Variants in SND1 observed in about 807,000 individuals in gnomAD.
The protein encoded by SND1 is staphylococcal nuclease and tudor domain containing 1.
SND1 carries 38 observed loss-of-function variants against 121.7 expected under a neutral mutation model. That is an observed-to-expected ratio of 0.31 (90% CI 0.24 to 0.41). The LOEUF (loss-of-function observed/expected upper bound fraction) is 0.41. Among genes scored for constraint, SND1 ranks in the 10% least tolerant of loss-of-function variants. SND1 has a pLI of 1.00. For synonymous variants in SND1, 401 were observed against 447.4 expected, an observed-to-expected ratio of 0.90 and a Z score of 1.31; for missense variants, 868 against 1,184.6, an observed-to-expected ratio of 0.73 and a Z score of 3.92.
At chr7:127,754,012 A>C (rs1303548536) in intron 10 of SND1, among the ~76,000 whole-genome samples, 1 of 152,184 alleles carries the variant, frequency 6.6e-6, no homozygotes, top group African/African-American at 2.4e-5. Flanking sequence ...TTTTATTCAC[A>C]TTTAGCCCAA....
chr7:127,987,043 C>G (rs984354963), intron 15 of SND1, among the ~76,000 whole-genome samples: 1 of 152,348 alleles, frequency 6.6e-6, no homozygotes, highest in African/African-American at 2.4e-5. Context: ...TATCAGCAGG[C>G]AGCACTGCAC....
chr7:127,945,447 C>T (rs1425943257), intron 15 of SND1, among the ~76,000 whole-genome samples: 1 of 151,860 alleles, frequency 6.6e-6, no homozygotes, highest in African/African-American at 2.4e-5. Flanking sequence ...GCCGAGATCG[C>T]ACCACTGCAC....
chr7:128,080,191 G>A (rs1015912890), intron 17 of SND1, among the ~76,000 whole-genome samples: 2 of 152,192 alleles, frequency 1.3e-5, no homozygotes, highest in Non-Finnish European at 2.9e-5. Flanking sequence ...GGGACCCCAC[G>A]CGTGATCCAT....
chr7:127,852,201 TAAA>T (rs1399508781), intron 12 of SND1, among the ~76,000 whole-genome samples: 1 of 148,354 alleles, frequency 6.7e-6, no homozygotes, highest in African/African-American at 2.5e-5. Flanking sequence ...ATAAAATAAA[TAAA>T]AAAAATAATC....
intron 15 of SND1, among the ~76,000 whole-genome samples, chr7:127,967,453 A>G (rs1264039260): frequency 6.6e-6 from 1 of 152,186 alleles, no homozygotes; most frequent in African/African-American, 2.4e-5. Flanking sequence ...TCCATGCTGT[A>G]TCTTTCAGGG....
chr7:128,036,649 C>T (rs1792756202), intron 16 of SND1, among the ~76,000 whole-genome samples: 1 of 152,234 alleles, frequency 6.6e-6, no homozygotes, highest in Admixed American at 6.5e-5. Flanking sequence ...CTTTCCCTCT[C>T]CTCTAAGACT....
chr7:128,025,388 G>A (rs1306720051), intron 16 of SND1, among the ~76,000 whole-genome samples: 2 of 144,710 alleles, frequency 1.4e-5, no homozygotes, highest in Non-Finnish European at 3.0e-5. Context: ...ATTTCTCTGG[G>A]GCTCAGTTTC....
chr7:127,979,408 G>A (rs756304633), intron 15 of SND1, among the ~76,000 whole-genome samples: 31 of 152,298 alleles, frequency 2.0e-4, no homozygotes, highest in East Asian at 7.7e-4. Flanking sequence ...TTTCCCTATC[G>A]GCTAGGGTTG....
chr7:127,873,840 G>A (rs185379649), intron 12 of SND1, among the ~76,000 whole-genome samples: 11 of 152,128 alleles, frequency 7.2e-5, no homozygotes, highest in African/African-American at 2.2e-4. Flanking sequence ...TCTTGAAATC[G>A]AACCTCATAA....
At chr7:128,060,550 C>G (rs1049196679) in intron 16 of SND1, among the ~76,000 whole-genome samples, 11 of 152,246 alleles carry the variant, frequency 7.2e-5, no homozygotes, top group African/African-American at 2.7e-4. Context: ...TTCCTCCTCC[C>G]TGCTCCTTAA....
At chr7:127,657,075 G>T (rs1056973840) in intron 1 of SND1, among the ~76,000 whole-genome samples, 5 of 152,178 alleles carry the variant, frequency 3.3e-5, no homozygotes, top group African/African-American at 1.2e-4. Flanking sequence ...AGTTATGTTA[G>T]CAGTGTAATA....
chr7:127,818,174 A>G (rs930994111), intron 11 of SND1, among the ~76,000 whole-genome samples: 3 of 152,202 alleles, frequency 2.0e-5, no homozygotes, highest in Non-Finnish European at 4.4e-5. Flanking sequence ...TGGTTGAAAT[A>G]CAAACCAAGA....
At chr7:128,016,208 C>G (rs775493605) in intron 16 of SND1, among the ~76,000 whole-genome samples, 4 of 141,614 alleles carry the variant, frequency 2.8e-5, no homozygotes, top group Non-Finnish European at 6.0e-5. Flanking sequence ...GTCTCAAACT[C>G]TTGGATTCAA....
intron 9 of SND1, among the ~76,000 whole-genome samples, chr7:127,710,867 C>G (rs1007938442): frequency 6.6e-6 from 1 of 152,156 alleles, no homozygotes; most frequent in African/African-American, 2.4e-5. Flanking sequence ...ATGATTATGT[C>G]ATAAGTTAGT....
chr7:128,092,388 G>A lies in SND1; in HGVS notation c.*330G>A. ...CAAAGACTATGTCCTAGTGGAGGGA[G>A]TAATCCTAACACCCAGGCTGGCCGC... On this transcript the variant is annotated 3_prime_UTR_variant, in exon 24 of 24. Transcript: ENST00000354725. The surrounding 1 kb of genome is among the most constrained non-coding windows in gnomAD (Gnocchi z 4.9). 1 of 322,126 alleles carries A rather than the reference G, an allele frequency of 3.1e-6. No individual in the cohort carries two copies. Among genetic ancestry groups the A allele is most frequent in the Non-Finnish European group, 5.7e-6 (1 of 174,368 alleles). 20.0% of individuals were successfully genotyped at this position (322,126 alleles called of 1,614,324 possible).
At chr7:127,903,723 G>A (rs972714011) in intron 13 of SND1, among the ~76,000 whole-genome samples, 1 of 152,190 alleles carries the variant, frequency 6.6e-6, no homozygotes, top group African/African-American at 2.4e-5. Context: ...CTGCAGAAGT[G>A]TGTCCTCTAC....
intron 20 of SND1, chr7:128,086,351 A>T (rs573027099): frequency 5.7e-6 from 1 of 174,294 alleles, no homozygotes; most frequent in African/African-American, 2.4e-5. Context: ...GAGTCATGGC[A>T]CTGCTTGTCT....
intron 16 of SND1, among the ~76,000 whole-genome samples, chr7:128,021,252 C>T (rs945008658): frequency 1.3e-5 from 2 of 152,228 alleles, no homozygotes. Flanking sequence ...CTTATAACCA[C>T]TGTGGCTGGC....
chr7:127,939,727 G>A (rs1190258330), intron 15 of SND1, among the ~76,000 whole-genome samples: 1 of 152,068 alleles, frequency 6.6e-6, no homozygotes, highest in Non-Finnish European at 1.5e-5. Flanking sequence ...CTCCTGATTG[G>A]GGTGTTCAGC....
Sources: allele counts gnomAD v4.1 joint callset (sites outside exome capture counted in the v4.1 genomes callset), GRCh38; gene constraint gnomAD v4.1.1; non-coding constraint Gnocchi (gnomAD v3.1); transcripts MANE v1.5; gene names NCBI Gene and HGNC (gene_info 2026-07-23, HGNC 2026-07-21).